Variants in NELL2 observed in about 807,000 individuals in gnomAD.
The protein encoded by NELL2 is neural EGFL like 2.
In NELL2, 41 loss-of-function variants were observed where a neutral mutation model predicts 109.6. The observed-to-expected ratio is 0.37, with a 90% confidence interval of 0.29 to 0.49. NELL2 has a LOEUF of 0.49. NELL2 is among the 20% of genes least tolerant of loss of function. NELL2 has a pLI of 0.98. For synonymous variants in NELL2, 355 were observed against 344.7 expected (o/e 1.03, Z -0.33); for missense variants, 900 against 1,008.3 (o/e 0.89, Z 1.45).
intron 15 of NELL2, among the ~76,000 whole-genome samples, chr12:44,558,664 T>C (rs1000115436): frequency 1.3e-5 from 2 of 152,168 alleles, no homozygotes; most frequent in Non-Finnish European, 2.9e-5. Flanking sequence ...GCTTTTCCCA[T>C]GGTCTTAGCA....
intron 2 of NELL2, among the ~76,000 whole-genome samples, chr12:44,862,374 T>C (rs552869621): frequency 1.3e-5 from 2 of 152,332 alleles, no homozygotes; most frequent in African/African-American, 4.8e-5. Flanking sequence ...AATTCTCAAT[T>C]GCTGAAAATG....
At chr12:44,572,925 G>A (rs759674145) in intron 15 of NELL2, among the ~76,000 whole-genome samples, 1 of 152,142 alleles carries the variant, frequency 6.6e-6, no homozygotes, top group African/African-American at 2.4e-5. Context: ...ATTAAGGAGT[G>A]GTAGAAGCAG....
chr12:44,630,353 G>C (rs1054094458), intron 13 of NELL2, among the ~76,000 whole-genome samples: 1 of 152,112 alleles, frequency 6.6e-6, no homozygotes, highest in Non-Finnish European at 1.5e-5. Flanking sequence ...TTTCTTCAAA[G>C]AATTTTAAGT....
chr12:44,520,211 A>T lies in NELL2; in HGVS notation c.2194T>A (p.Trp732Arg). ...TCCACATCTGGGCAAGGCAGGGGCC[A>T]ACAATCAACTTCCCCTTGCTACAAG... The part of the protein sequence containing the change: ...CRCLQGEVDC[W>R]PLPCPDVECE... Residue 732 changes from tryptophan (W) to arginine (R), a missense_variant, in exon 19 of 20, where the codon TGG (tryptophan) becomes AGG (arginine). Trp to Arg is a moderately radical substitution (Grantham distance 101). Coordinates refer to ENST00000429094, the MANE Select transcript of NELL2 (RefSeq NM_001145108.2). The T allele has an allele frequency of 6.2e-7, 1 of 1,611,962 alleles. No individual in the cohort carries two copies. Among genetic ancestry groups the T allele is most frequent in the Non-Finnish European group, 8.5e-7 (1 of 1,179,186 alleles).
chr12:44,876,126 G>A lies in NELL2; in HGVS notation c.-257C>T. On this transcript the variant is annotated 5_prime_UTR_variant, in exon 1 of 20. Transcript: ENST00000429094. ...GAGGCGGCAGCGCGGCCCGGAGGGG[G>A]CCCGGAGGGAGGGGTCGGACTCGCC... 7.7e-7 allele frequency: 1 copy of A among 1,306,030 alleles called. No homozygotes were observed. The highest frequency in any genetic ancestry group is 9.7e-7 in the Non-Finnish European group (1 of 1,027,204). The allele number at this position is 1,306,030 out of a possible 1,614,324, so 80.9% of individuals were successfully genotyped here. A position where few individuals can be genotyped will look rare whatever the true frequency, so the allele number is the denominator to read the frequency against.
intron 13 of NELL2, among the ~76,000 whole-genome samples, chr12:44,616,455 T>C (rs535270576): frequency 6.6e-6 from 1 of 152,174 alleles, no homozygotes; most frequent in African/African-American, 2.4e-5. Flanking sequence ...GCCCTAAACA[T>C]AGTGACAACC....
chr12:44,618,560 T>C lies in NELL2; in HGVS notation c.1445-7590A>G, dbSNP rs545911451. Reference sequence around the variant, plus strand: ...AAATAAGCTTTGTCCGAACTCATTATAGGGCAATAAAAATCTTGTAACCAG... The same window carrying C: ...AAATAAGCTTTGTCCGAACTCATTACAGGGCAATAAAAATCTTGTAACCAG... On this transcript the variant is annotated intron_variant, in intron 13 of 19. Coordinates refer to ENST00000429094, the MANE Select transcript of NELL2 (RefSeq NM_001145108.2). 3.1e-4 allele frequency among the ~76,000 whole-genome samples: 47 copies of C among 152,326 alleles called. 1 individual carries two copies. Among genetic ancestry groups the C allele is most frequent in the African/African-American group, 1.1e-3 (45 of 41,570 alleles).
intron 13 of NELL2, among the ~76,000 whole-genome samples, chr12:44,622,087 G>T (rs1287287154): frequency 6.6e-6 from 1 of 152,080 alleles, no homozygotes; most frequent in Non-Finnish European, 1.5e-5. Flanking sequence ...TTAGGCACTT[G>T]ATACATATGG....
chr12:44,741,269 A>G (rs2408047), intron 9 of NELL2, among the ~76,000 whole-genome samples: 107,489 of 152,122 alleles, frequency 0.71, 38,226 homozygotes, highest in Non-Finnish European at 0.74. Flanking sequence ...AAAACTTAAA[A>G]CTTTTCTTTA....
chr12:44,754,204 T>A (rs114708459), intron 9 of NELL2, among the ~76,000 whole-genome samples: 14 of 152,332 alleles, frequency 9.2e-5, no homozygotes, highest in African/African-American at 3.1e-4. Flanking sequence ...TTTTAAAGTA[T>A]GATATTCAGT....
At chr12:44,774,878 T>C (rs771902206) in intron 8 of NELL2, 29 bp from the exon 9 acceptor site, 5 of 1,527,860 alleles carry the variant, frequency 3.3e-6, no homozygotes, top group Non-Finnish European at 3.6e-6. Flanking sequence ...TTAAAGAATT[T>C]CCATGTTAGA....
At chr12:44,876,986 A>G (rs888090679), upstream of NELL2, 1 of 892,578 alleles carries the variant, frequency 1.1e-6, no homozygotes, top group Non-Finnish European at 1.5e-6. Flanking sequence ...GAACTTGGCC[A>G]GGAGGTGCTG....
intron 13 of NELL2, among the ~76,000 whole-genome samples, chr12:44,650,383 T>C (rs2136315349): frequency 6.6e-6 from 1 of 151,174 alleles, no homozygotes; most frequent in East Asian, 2.0e-4. Flanking sequence ...AACCTCCGCC[T>C]CCCAGATTTA....
intron 2 of NELL2, among the ~76,000 whole-genome samples, chr12:44,840,329 A>C (rs878874928): frequency 1.7e-4 from 26 of 152,180 alleles, no homozygotes; most frequent in African/African-American, 6.0e-4. Context: ...CTCTCTCACT[A>C]TATTTTCTCA....
In NELL2 at chr12:44,610,943, T is replaced by G; in HGVS notation, c.1472A>C (p.His491Pro). 2.5e-6 allele frequency: 4 copies of G among 1,612,870 alleles called. No individual in the cohort carries two copies. In the Middle Eastern group the frequency reaches 5.0e-4, roughly 200 times the overall value. The change falls in exon 14 of 20, where the codon CAC becomes CCC. Residue 491 changes from histidine (H) to proline (P), a missense_variant. His to Pro is a moderately conservative substitution (Grantham distance 77). Coordinates refer to ENST00000429094, the MANE Select transcript of NELL2 (RefSeq NM_001145108.2). ...GCATAAAGCATTTTCATCACAGTTG[T>G]GCTGATTTGTGATACACTCATCATG... Reference protein sequence around the residue: ...TEHDECITNQHNCDENALCFN... With the variant: ...TEHDECITNQPNCDENALCFN...
At chr12:44,881,943 G>A (rs976933373) in intron 1 of NELL2, 13 of 151,866 alleles carry the variant, frequency 8.6e-5, no homozygotes, top group African/African-American at 3.2e-4. Flanking sequence ...TTGAATGAAT[G>A]CAAACCATGG....
At chr12:44,569,131 G>C (rs1047991493) in intron 15 of NELL2, among the ~76,000 whole-genome samples, 1 of 152,088 alleles carries the variant, frequency 6.6e-6, no homozygotes, top group African/African-American at 2.4e-5. Flanking sequence ...AGAACAAGTG[G>C]TATTTGGTTT....
At chr12:44,740,761 C>T (rs1361100660) in intron 9 of NELL2, among the ~76,000 whole-genome samples, 1 of 152,134 alleles carries the variant, frequency 6.6e-6, no homozygotes, top group East Asian at 1.9e-4. Context: ...AAAATTCATA[C>T]AAGTCCCATT....
intron 13 of NELL2, among the ~76,000 whole-genome samples, chr12:44,658,877 CAAAAAAAAAAA>C (rs58696965): frequency 5.7e-5 from 4 of 69,928 alleles, no homozygotes; most frequent in Non-Finnish European, 5.9e-5. Context: ...ACTCTGTCTC[CAAAAAAAAAAA>C]AAAAAAAAAA....
Sources: gnomAD v4.1 joint callset for allele counts (sites outside exome capture counted in the v4.1 genomes callset) on GRCh38, gnomAD v4.1.1 for gene constraint, MANE v1.5 for transcripts, NCBI Gene and HGNC (gene_info 2026-07-23, HGNC 2026-07-21) for gene names.